ZNF705G: variants seen among roughly 807,000 people sequenced by gnomAD.
The protein encoded by ZNF705G is putative zinc finger protein 705G.
ZNF705G carries 23 observed loss-of-function variants against 19.6 expected under a neutral mutation model. That is an observed-to-expected ratio of 1.17 (90% CI 0.84 to 1.66). The LOEUF (loss-of-function observed/expected upper bound fraction) is 1.66, where lower values mean the gene tolerates loss of function less well. Among genes scored for constraint, ZNF705G ranks in the 40% most tolerant of loss-of-function variants. The pLI, the probability that ZNF705G is intolerant of heterozygous loss-of-function variation, is 0.00. For synonymous variants in ZNF705G, 146 were observed against 117.7 expected (o/e 1.24, Z -1.56); for missense variants, 457 against 354.4 (o/e 1.29, Z -2.32).
At chr8:7,383,690 C>A (rs1204691654) in intron 1 of ZNF705G, among the ~76,000 whole-genome samples, 1 of 149,206 alleles carries the variant, frequency 6.7e-6, no homozygotes, top group African/African-American at 2.6e-5. Context: ...AGCTGAAGCC[C>A]TTGTGATGGG....
intron 2 of ZNF705G, among the ~76,000 whole-genome samples, chr8:7,370,086 A>G (rs1807029929): frequency 6.7e-6 from 1 of 148,384 alleles, no homozygotes; most frequent in South Asian, 2.1e-4. Context: ...ACACCGTGAA[A>G]CCCTGTCTCC....
chr8:7,363,646 C>T (rs1184293897), intron 2 of ZNF705G, among the ~76,000 whole-genome samples: 1 of 149,374 alleles, frequency 6.7e-6, no homozygotes, highest in Non-Finnish European at 1.5e-5. Context: ...CATGGTGAAA[C>T]CCCGTCTGTA....
intron 2 of ZNF705G, among the ~76,000 whole-genome samples, chr8:7,379,057 T>A (rs1333473050): frequency 2.3e-4 from 35 of 150,568 alleles, no homozygotes; most frequent in African/African-American, 8.5e-4. Context: ...TAGAGTTTTC[T>A]TTTTTGTGTA....
intron 2 of ZNF705G, among the ~76,000 whole-genome samples, chr8:7,376,285 A>G (rs1585425344): frequency 2.2e-5 from 2 of 91,886 alleles, no homozygotes; most frequent in Non-Finnish European, 2.1e-5. Context: ...AATGGAATCT[A>G]ATACATTTGG....
In ZNF705G at chr8:7,361,230, G is replaced by T. The variant is rs3989697; in HGVS notation, c.19C>A (p.Leu7Met). MHSLKKLTFEDVAIDFT... is the reference protein window; with the variant it reads MHSLKKMTFEDVAIDFT... ...TCAATAGCTACATCTTCAAAAGTCA[G>T]TTTCTTCTAAAACATCACAGACATT... is the stretch of plus-strand genomic sequence containing the variant. Residue 7 changes from leucine (L) to methionine (M), a missense_variant, in exon 4 of 7, where the codon CTG (leucine) becomes ATG (methionine). Leu to Met is a conservative substitution (Grantham distance 15). Transcript: ENST00000400156. 4.6e-6 allele frequency: 7 copies of T among 1,522,946 alleles called. No individual in the cohort carries two copies. In the East Asian group the frequency reaches 1.1e-4, roughly 24 times the overall value. 94.3% of individuals were successfully genotyped at this position (1,522,946 alleles called of 1,614,324 possible).
In ZNF705G at chr8:7,360,159, C is replaced by T. The variant is rs1206650747; in HGVS notation, c.235+78G>A. The T allele has an allele frequency of 2.7e-6, 4 of 1,455,236 alleles. No individual in the cohort carries two copies. In the East Asian group the frequency reaches 6.9e-5, roughly 25 times the overall value. 90.1% of individuals were successfully genotyped at this position (1,455,236 alleles called of 1,614,324 possible). On this transcript the variant is annotated intron_variant, in intron 5 of 6. Coordinates refer to ENST00000400156, the MANE Select transcript of ZNF705G (RefSeq NM_001164457.3). ...AGAAATTATCACTCATTTAATAAAACCACTAATTAATATTCAACTGATATT... is the reference window on the plus strand; with the variant it reads ...AGAAATTATCACTCATTTAATAAAATCACTAATTAATATTCAACTGATATT...
In ZNF705G at chr8:7,380,325, G is replaced by C. The variant is rs2719530; in HGVS notation, c.-72+1127C>G. ...CACTACCCAAGGTCGTTGTCCAGGA[G>C]GCTGGGGATCAACCCACACTGCTGT... On this transcript the variant is annotated intron_variant, in intron 2 of 6. Transcript: ENST00000400156. 2.9e-4 allele frequency among the ~76,000 whole-genome samples: 42 copies of C among 147,332 alleles called. 2 individuals are homozygous for C. The highest frequency in any genetic ancestry group is 8.4e-4 in the African/African-American group (31 of 36,830).
At chr8:7,382,183 AAAG>A (rs1400157169) in intron 1 of ZNF705G, among the ~76,000 whole-genome samples, 3 of 150,560 alleles carry the variant, frequency 2.0e-5, no homozygotes, top group Admixed American at 6.6e-5. Flanking sequence ...CAAAATTTAA[AAAG>A]AAGAAGAACA....
chr8:7,365,118 A>G (rs1333455261), intron 2 of ZNF705G, among the ~76,000 whole-genome samples: 2 of 149,756 alleles, frequency 1.3e-5, no homozygotes, highest in African/African-American at 5.1e-5. Flanking sequence ...TACTTATTTC[A>G]TAAAGGACTC....
intron 1 of ZNF705G, among the ~76,000 whole-genome samples, chr8:7,382,416 C>T (rs1329235378): frequency 3.4e-5 from 5 of 146,536 alleles, no homozygotes; most frequent in East Asian, 1.9e-4. Flanking sequence ...GCCTTTTTTC[C>T]CCAGAATAAA....
chr8:7,379,773 G>A (rs549317420), intron 2 of ZNF705G, among the ~76,000 whole-genome samples: 43 of 147,330 alleles, frequency 2.9e-4, no homozygotes, highest in Non-Finnish European at 5.6e-4. Flanking sequence ...ATAGGGAGCT[G>A]CCTGGAGTCT....
chr8:7,382,276 C>A (rs1186963699), intron 1 of ZNF705G, among the ~76,000 whole-genome samples: 1 of 147,932 alleles, frequency 6.8e-6, no homozygotes, highest in African/African-American at 2.7e-5. Flanking sequence ...ATGGCTGTAA[C>A]CTGAGAATGT....
rs372327809 is a variant in ZNF705G, at chr8:7,358,504, G to A, written c.375C>T (p.Cys125=). ...PFECNDSGED[C]TRSSTITQCL... ...ACTGAGTTATTGTGGAACTGCGAGT[G>A]CAATCTTCTCCCGAATCATTACATT... The change falls in exon 7 of 7, where the codon TGC becomes TGT. Residue 125 remains cysteine, a synonymous_variant. Coordinates refer to ENST00000400156, the MANE Select transcript of ZNF705G (RefSeq NM_001164457.3). The A allele has an allele frequency of 4.4e-6, 7 of 1,607,462 alleles. 1 individual carries two copies. In the African/African-American group the frequency reaches 7.0e-5, roughly 16 times the overall value.
intron 2 of ZNF705G, among the ~76,000 whole-genome samples, chr8:7,379,636 C>A (rs377753750): frequency 6.8e-6 from 1 of 147,314 alleles, no homozygotes; most frequent in East Asian, 1.9e-4. Flanking sequence ...CAGCTTAAAG[C>A]CAGGACAGGC....
intron 2 of ZNF705G, among the ~76,000 whole-genome samples, chr8:7,379,361 T>C (rs1441545959): frequency 2.7e-5 from 4 of 147,318 alleles, no homozygotes; most frequent in Non-Finnish European, 5.9e-5. Context: ...CTATATAACA[T>C]TTATTTCTTA....
chr8:7,380,121 G>A (rs1346857021), intron 2 of ZNF705G, among the ~76,000 whole-genome samples: 1 of 143,894 alleles, frequency 6.9e-6, no homozygotes, highest in Non-Finnish European at 1.5e-5. Context: ...GCTGAAGCAG[G>A]CACTCTTCTC....
In ZNF705G at chr8:7,361,218, C is replaced by T; in HGVS notation, c.31G>A (p.Asp11Asn). Residue 11 changes from aspartate (D) to asparagine (N), a missense_variant, in exon 4 of 7, where the codon GAT becomes AAT. Coordinates refer to ENST00000400156, the MANE Select transcript of ZNF705G (RefSeq NM_001164457.3). The stretch of plus-strand genomic sequence containing the variant: ...TCCTGGGTGAAGTCAATAGCTACAT[C>T]TTCAAAAGTCAGTTTCTTCTAAAAC... MHSLKKLTFE[D>N]VAIDFTQEEW... is the part of the protein sequence containing the mutation. 3.1e-6 allele frequency: 5 copies of T among 1,592,624 alleles called. No homozygotes were observed. The highest frequency in any genetic ancestry group is 3.4e-6 in the Non-Finnish European group (4 of 1,179,398).
At position 7,361,106 on chromosome 8, in the gene ZNF705G, T is replaced by G; in HGVS notation, c.139+4A>C. The G allele has an allele frequency of 6.3e-7, 1 of 1,592,630 alleles. No homozygotes were observed. Among genetic ancestry groups the G allele is most frequent in the African/African-American group, 1.4e-5 (1 of 70,800 alleles). ...CATATGTACATGAATGTTCAGGGACTCACCGAGGGACACCAGGTGACTGAT... is the reference window on the plus strand; with the variant it reads ...CATATGTACATGAATGTTCAGGGACGCACCGAGGGACACCAGGTGACTGAT... On this transcript the variant is annotated splice_donor_region_variant and intron_variant, in intron 4 of 6. Coordinates refer to ENST00000400156, the MANE Select transcript of ZNF705G (RefSeq NM_001164457.3).
intron 2 of ZNF705G, among the ~76,000 whole-genome samples, chr8:7,371,271 A>G (rs1158781163): frequency 9.1e-6 from 1 of 110,298 alleles, no homozygotes; most frequent in Non-Finnish European, 2.0e-5. Context: ...CGACAAACTC[A>G]CAAAAGCAGA....
Sources: allele counts gnomAD v4.1 joint callset (sites outside exome capture counted in the v4.1 genomes callset), GRCh38; gene constraint gnomAD v4.1.1; transcripts MANE v1.5; gene names NCBI Gene and HGNC (gene_info 2026-07-23, HGNC 2026-07-21).